Variants in NCKAP5 observed in about 807,000 individuals in gnomAD.
NCKAP5 encodes the protein NCK associated protein 5, also known as nck-associated protein 5.
Under a neutral mutation model 167.0 loss-of-function variants are expected in NCKAP5, and 92 were observed. That is an observed-to-expected ratio of 0.55 (90% CI 0.47 to 0.66). The LOEUF (loss-of-function observed/expected upper bound fraction) is 0.66, where lower values mean the gene tolerates loss of function less well. Ranked by LOEUF, NCKAP5 falls within the 30% of genes least tolerant of loss-of-function variation. NCKAP5 has a pLI of 0.00. For missense variants in NCKAP5, 2,378 were observed against 2,315.0 expected, an observed-to-expected ratio of 1.03 and a Z score of -0.56; for synonymous variants, 891 against 877.4, an observed-to-expected ratio of 1.02 and a Z score of -0.27.
At chr2:133,018,160 C>T (rs1387123220) in intron 6 of NCKAP5, among the ~76,000 whole-genome samples, 2 of 152,184 alleles carry the variant, frequency 1.3e-5, no homozygotes, top group Non-Finnish European at 2.9e-5. Flanking sequence ...CCTATTCTGT[C>T]TATATCCCAA....
intron 6 of NCKAP5, among the ~76,000 whole-genome samples, chr2:132,997,209 C>T (rs1274251330): frequency 6.6e-6 from 1 of 152,164 alleles, no homozygotes; most frequent in African/African-American, 2.4e-5. Flanking sequence ...AAACTGCAGA[C>T]AACTGGGACA....
At chr2:132,922,108 G>T (rs539327821) in intron 8 of NCKAP5, among the ~76,000 whole-genome samples, 1 of 152,198 alleles carries the variant, frequency 6.6e-6, no homozygotes, top group Non-Finnish European at 1.5e-5. Context: ...GTTCATGAAC[G>T]CAGCTATGCA....
intron 8 of NCKAP5, among the ~76,000 whole-genome samples, chr2:132,914,581 C>T (rs1694717272): frequency 6.6e-6 from 1 of 151,882 alleles, no homozygotes; most frequent in South Asian, 2.1e-4. Context: ...CTCTGAAACC[C>T]AAATGCTGGG....
Position 132,685,822 on chromosome 2 carries a change from C to T in NCKAP5, c.5714-12517G>A, listed in dbSNP as rs141987892. 1.1e-4 allele frequency among the ~76,000 whole-genome samples: 17 copies of T among 152,296 alleles called. No homozygotes were observed. The East Asian group carries it at 3.1e-3, about 28-fold the overall frequency. On this transcript the variant is annotated intron_variant, in intron 19 of 19. Transcript: ENST00000409261. Reference sequence around the variant, plus strand: ...GCTTTGGCTGCCCTGGAGAATGGGGCTGATTTCTCAGGGCAAAAGTCAACT... The same window carrying T: ...GCTTTGGCTGCCCTGGAGAATGGGGTTGATTTCTCAGGGCAAAAGTCAACT...
chr2:132,844,991 C>T (rs1463250422), intron 11 of NCKAP5, among the ~76,000 whole-genome samples: 1 of 152,054 alleles, frequency 6.6e-6, no homozygotes, highest in Non-Finnish European at 1.5e-5. Context: ...TATCATCACA[C>T]TTTTATTTAT....
At chr2:133,253,496 GC>G in intron 4 of NCKAP5, among the ~76,000 whole-genome samples, 1 of 152,272 alleles carries the variant, frequency 6.6e-6, no homozygotes, top group East Asian at 1.9e-4. Flanking sequence ...TAAGATTTAT[GC>G]CCTCTCTACC....
intron 10 of NCKAP5, among the ~76,000 whole-genome samples, chr2:132,862,884 C>T (rs905560373): frequency 5.9e-5 from 9 of 151,918 alleles, no homozygotes; most frequent in African/African-American, 1.9e-4. Flanking sequence ...TGCAGTGGCG[C>T]GATCTTGGTG....
intron 19 of NCKAP5, among the ~76,000 whole-genome samples, chr2:132,722,021 T>C (rs1238722000): frequency 1.3e-5 from 2 of 152,194 alleles, no homozygotes; most frequent in East Asian, 1.9e-4. Flanking sequence ...GAGAAAAATA[T>C]TCAGGCTGGG....
At chr2:132,879,761 C>T (rs1452148028) in intron 8 of NCKAP5, among the ~76,000 whole-genome samples, 1 of 152,170 alleles carries the variant, frequency 6.6e-6, no homozygotes, top group Non-Finnish European at 1.5e-5. Flanking sequence ...TAAAATCCTC[C>T]TTGACATTTG....
At chr2:133,172,498 T>C (rs1020478677) in intron 5 of NCKAP5, among the ~76,000 whole-genome samples, 5 of 152,206 alleles carry the variant, frequency 3.3e-5, no homozygotes, top group African/African-American at 1.2e-4. Flanking sequence ...TGAGACTGAG[T>C]TTCACTCTTG....
chr2:132,699,230 T>C (rs7596374), intron 19 of NCKAP5, among the ~76,000 whole-genome samples: 12,815 of 152,270 alleles, frequency 0.084, 1,684 homozygotes, highest in African/African-American at 0.28. Flanking sequence ...TAAATCCTGA[T>C]TCTAAGTGTA....
intron 8 of NCKAP5, among the ~76,000 whole-genome samples, chr2:132,940,274 C>T (rs1285897859): frequency 6.6e-6 from 1 of 152,102 alleles, no homozygotes; most frequent in Non-Finnish European, 1.5e-5. Context: ...CAGGCATAAT[C>T]CCACAGGATT....
intron 3 of NCKAP5, among the ~76,000 whole-genome samples, chr2:133,369,058 G>A (rs1450907672): frequency 6.6e-6 from 1 of 152,036 alleles, no homozygotes; most frequent in African/African-American, 2.4e-5. Context: ...GAACAGGACT[G>A]GACAGGTGGA....
chr2:133,352,084 C>T (rs1178357020), intron 3 of NCKAP5, among the ~76,000 whole-genome samples: 4 of 152,190 alleles, frequency 2.6e-5, no homozygotes, highest in Admixed American at 2.6e-4. Flanking sequence ...TCTTGGATCC[C>T]CCATAGCTCG....
intron 3 of NCKAP5, among the ~76,000 whole-genome samples, chr2:133,516,044 C>G (rs1683958464): frequency 6.6e-6 from 1 of 152,208 alleles, no homozygotes; most frequent in African/African-American, 2.4e-5. Context: ...TGGGGACCAA[C>G]CAATACCGAT....
chr2:133,103,288 T>C (rs753142327), intron 6 of NCKAP5, among the ~76,000 whole-genome samples: 1 of 152,152 alleles, frequency 6.6e-6, no homozygotes, highest in Non-Finnish European at 1.5e-5. Flanking sequence ...TGTAGGGCAG[T>C]GGTTAAGAAT....
chr2:132,749,685 T>C (rs1316560810), intron 16 of NCKAP5, among the ~76,000 whole-genome samples: 1 of 151,472 alleles, frequency 6.6e-6, no homozygotes, highest in African/African-American at 2.4e-5. Context: ...AAAGCAAGAG[T>C]GTTATAAAGG....
Position 132,785,386 on chromosome 2 carries a change from G to C in NCKAP5, c.1425C>G (p.His475Gln). 5.6e-6 allele frequency: 9 copies of C among 1,613,986 alleles called. No individual in the cohort carries two copies. The highest frequency in any genetic ancestry group is 6.8e-6 in the Non-Finnish European group (8 of 1,179,886). ...HKTFVYDLDS[H>Q]VDADDDPSTL... ...TGGAAGGGTCATCGTCCGCATCAAC[G>C]TGGGAATCTAGATCATAAACAAATG... is the stretch of plus-strand genomic sequence containing the variant. Residue 475 changes from histidine to glutamine, a missense_variant, in exon 14 of 20, where the codon CAC (histidine) becomes CAG (glutamine). Physicochemically the swap from His to Gln is conservative, Grantham distance 24. Transcript: ENST00000409261.
intron 8 of NCKAP5, among the ~76,000 whole-genome samples, chr2:132,932,299 ACTC>A (rs1574675580): frequency 6.6e-6 from 1 of 151,416 alleles, no homozygotes; most frequent in East Asian, 1.9e-4. Context: ...GAGAAGTATC[ACTC>A]CTCTTTGTTT....
Sources: allele counts gnomAD v4.1 joint callset (sites outside exome capture counted in the v4.1 genomes callset), GRCh38; gene constraint gnomAD v4.1.1; transcripts MANE v1.5; gene names NCBI Gene and HGNC (gene_info 2026-07-23, HGNC 2026-07-21).